PPFIBP1: variants seen among roughly 807,000 people sequenced by gnomAD.
PPFIBP1 encodes the protein liprin-beta-1.
In PPFIBP1, 112 loss-of-function variants were observed where a neutral mutation model predicts 137.8. The observed-to-expected ratio is 0.81, with a 90% CI of 0.70 to 0.95. The LOEUF (loss-of-function observed/expected upper bound fraction) is 0.95, where lower values mean the gene tolerates loss of function less well. Among genes scored for constraint, PPFIBP1 ranks in the 40% least tolerant of loss-of-function variants. The pLI is 0.00. For missense variants in PPFIBP1, 1,083 were observed against 1,196.6 expected (o/e 0.91, Z 1.40); for synonymous variants, 378 against 417.3 (o/e 0.91, Z 1.15).
At chr12:27,657,865 T>C (rs1246299060) in intron 9 of PPFIBP1, among the ~76,000 whole-genome samples, 1 of 152,142 alleles carries the variant, frequency 6.6e-6, no homozygotes, top group Non-Finnish European at 1.5e-5. Context: ...TCCAGTACTT[T>C]GGAAGGCTGA....
At chr12:27,628,349 T>C (rs1365861288) in intron 2 of PPFIBP1, among the ~76,000 whole-genome samples, 2 of 152,292 alleles carry the variant, frequency 1.3e-5, no homozygotes, top group East Asian at 1.9e-4. Context: ...GCATATTTTG[T>C]ACAATTTTTT....
At chr12:27,563,782 G>A (rs146673448) in intron 1 of PPFIBP1, among the ~76,000 whole-genome samples, 1 of 151,860 alleles carries the variant, frequency 6.6e-6, no homozygotes, top group African/African-American at 2.4e-5. Flanking sequence ...CATATGTGGG[G>A]TTTTTTTGTT....
intron 14 of PPFIBP1, among the ~76,000 whole-genome samples, chr12:27,672,094 G>C (rs927739146): frequency 5.3e-5 from 8 of 151,908 alleles, no homozygotes; most frequent in Admixed American, 1.3e-4. Flanking sequence ...AAAAAGTTTA[G>C]GGAACTTGGA....
chr12:27,639,772 A>G (rs2057974640), intron 4 of PPFIBP1, among the ~76,000 whole-genome samples: 1 of 152,212 alleles, frequency 6.6e-6, no homozygotes, highest in African/African-American at 2.4e-5. Flanking sequence ...ATTAATCCCA[A>G]ATGTATATTT....
chr12:27,564,749 G>C (rs1392153042), intron 1 of PPFIBP1, among the ~76,000 whole-genome samples: 1 of 152,106 alleles, frequency 6.6e-6, no homozygotes, highest in African/African-American at 2.4e-5. Context: ...GGTCTCTCCT[G>C]CCTCTCTCCC....
chr12:27,691,708 A>T (rs370602754), intron 27 of PPFIBP1, 41 bp from the exon 28 acceptor site: 1 of 1,550,674 alleles, frequency 6.4e-7, no homozygotes, highest in Non-Finnish European at 8.8e-7. Context: ...TATGAATTTT[A>T]TCAAATCCTT....
At chr12:27,641,946 AAAAT>A (rs55663709) in intron 4 of PPFIBP1, among the ~76,000 whole-genome samples, 44,960 of 147,730 alleles carry the variant, frequency 0.3, 7,433 homozygotes, top group Admixed American at 0.44. Flanking sequence ...TGCAACTGCA[AAAAT>A]AAATAAATAA....
At chr12:27,550,561 T>C (rs1946662415) in intron 1 of PPFIBP1, among the ~76,000 whole-genome samples, 1 of 152,180 alleles carries the variant, frequency 6.6e-6, no homozygotes, top group Non-Finnish European at 1.5e-5. Context: ...TTATGACAAC[T>C]CAGAGAGAGG....
At position 27,667,334 on chromosome 12, in the gene PPFIBP1, T is replaced by C; in HGVS notation, c.1146+14T>C. 1.3e-6 allele frequency: 2 copies of C among 1,569,086 alleles called. No individual in the cohort carries two copies. The highest frequency in any genetic ancestry group is 1.2e-5 in the South Asian group (1 of 83,094). The stretch of plus-strand genomic sequence containing the variant: ...GTTCCCGAAGAGGTATTAATAGACT[T>C]TCAGTATTTCCTTTATGTTGAAGAG... On this transcript the variant is annotated intron_variant, in intron 13 of 29. Transcript: ENST00000228425.
chr12:27,676,039 G>GTCA (rs2060488617), intron 17 of PPFIBP1, among the ~76,000 whole-genome samples: 1 of 152,248 alleles, frequency 6.6e-6, no homozygotes, highest in East Asian at 1.9e-4. Flanking sequence ...CTGTATTATA[G>GTCA]CTAAATCCGT....
intron 1 of PPFIBP1, among the ~76,000 whole-genome samples, chr12:27,576,066 G>A (rs2136807862): frequency 6.6e-6 from 1 of 152,244 alleles, no homozygotes; most frequent in Middle Eastern, 3.4e-3. Flanking sequence ...TATACTCAGT[G>A]CCTGTTAGTT....
chr12:27,634,192 G>A (rs1203883296), intron 3 of PPFIBP1, among the ~76,000 whole-genome samples: 2 of 141,538 alleles, frequency 1.4e-5, no homozygotes, highest in East Asian at 4.2e-4. Flanking sequence ...TGTTTCTCAA[G>A]CTGAAGTGTA....
intron 1 of PPFIBP1, among the ~76,000 whole-genome samples, chr12:27,574,323 TG>T (rs1400896644): frequency 6.6e-6 from 1 of 152,042 alleles, no homozygotes; most frequent in Non-Finnish European, 1.5e-5. Flanking sequence ...GGAAACTTGG[TG>T]GGGGGTAAGA....
intron 10 of PPFIBP1, 48 bp downstream of exon 10, chr12:27,658,896 T>C: frequency 6.5e-7 from 1 of 1,534,566 alleles, no homozygotes; most frequent in Non-Finnish European, 8.9e-7. Context: ...CCAAAAATAC[T>C]ACCTTGGACT....
At chr12:27,656,761 C>T (rs2059225438) in intron 9 of PPFIBP1, 31 bp downstream of exon 9, 2 of 1,432,326 alleles carry the variant, frequency 1.4e-6, no homozygotes, top group African/African-American at 2.8e-5. Context: ...TTTATCATCT[C>T]ATTTTGTTAA....
intron 2 of PPFIBP1, among the ~76,000 whole-genome samples, chr12:27,578,522 A>T (rs2050764738): frequency 6.7e-6 from 1 of 150,274 alleles, no homozygotes; most frequent in South Asian, 2.1e-4. Context: ...GGTAGAACAT[A>T]AAATAAAAAG....
Position 27,676,344 on chromosome 12 carries a change from G to GT in PPFIBP1, c.1411-83dup, listed in dbSNP as rs1400382805. On this transcript the variant is annotated intron_variant, in intron 17 of 29. Transcript: ENST00000228425. ...TTTTGAATAAACTCATGGATGTGGC[G>GT]TGAGTGAGTATTTGCTGTTAGCCTG... 22 of 1,061,438 alleles carry GT rather than the reference G, an allele frequency of 2.1e-5. No homozygotes were observed. The African/African-American group carries it at 2.6e-4, about 13-fold the overall frequency. The allele number at this position is 1,061,438 out of a possible 1,614,324, so 65.8% of individuals were successfully genotyped here.
chr12:27,679,858 A>G, intron 20 of PPFIBP1, 75 bp from the exon 21 acceptor site: 1 of 1,554,360 alleles, frequency 6.4e-7, no homozygotes. Flanking sequence ...TAGGTGCACT[A>G]GTTAAAAATG....
chr12:27,580,422 C>T (rs2050985518), intron 2 of PPFIBP1, among the ~76,000 whole-genome samples: 2 of 152,188 alleles, frequency 1.3e-5, no homozygotes, highest in African/African-American at 4.8e-5. Context: ...TCTGGATCAG[C>T]TTCCACATCT....
Sources: allele counts gnomAD v4.1 joint callset (sites outside exome capture counted in the v4.1 genomes callset), GRCh38; gene constraint gnomAD v4.1.1; transcripts MANE v1.5; gene names NCBI Gene and HGNC (gene_info 2026-07-23, HGNC 2026-07-21).